The following ZNF366 variants were observed in gnomAD, a reference collection of about 807,000 sequenced individuals.
The protein encoded by ZNF366 is dendritic cell-specific transcript protein.
A neutral mutation model predicts 47.2 loss-of-function variants in ZNF366; 20 were observed. That is an observed-to-expected ratio of 0.42 (90% CI 0.30 to 0.62). The LOEUF (loss-of-function observed/expected upper bound fraction) is 0.62, where lower values mean the gene tolerates loss of function less well. ZNF366 is among the 20% of genes least tolerant of loss of function. ZNF366 has a pLI of 0.16. For synonymous variants in ZNF366, 421 were observed against 395.1 expected, an observed-to-expected ratio of 1.07 and a Z score of -0.78; for missense variants, 987 against 976.3, an observed-to-expected ratio of 1.01 and a Z score of -0.15.
intron 1 of ZNF366, among the ~76,000 whole-genome samples, chr5:72,466,860 C>T (rs1181439920): frequency 6.6e-6 from 1 of 152,228 alleles, no homozygotes; most frequent in Admixed American, 6.5e-5. Context: ...GGGCACTATT[C>T]TCTGAGCTAA....
chr5:72,448,009 G>C (rs982463913), intron 3 of ZNF366, among the ~76,000 whole-genome samples: 2 of 152,150 alleles, frequency 1.3e-5, no homozygotes, highest in Admixed American at 6.5e-5. Flanking sequence ...CATACTGTGC[G>C]TCTCCCAACA....
chr5:72,504,902 G>A (rs546605829), intron 1 of ZNF366, among the ~76,000 whole-genome samples: 61 of 152,310 alleles, frequency 4.0e-4, no homozygotes, highest in African/African-American at 1.4e-3. Context: ...ATTTAGAGCA[G>A]TTAAGTACCT....
chr5:72,497,843 C>A (rs542322007), intron 1 of ZNF366, among the ~76,000 whole-genome samples: 4 of 152,112 alleles, frequency 2.6e-5, no homozygotes, highest in Non-Finnish European at 5.9e-5. Flanking sequence ...TTTGCTGCTT[C>A]TTATTATGAA....
At chr5:72,466,514 T>C (rs1377493648) in intron 1 of ZNF366, among the ~76,000 whole-genome samples, 1 of 152,188 alleles carries the variant, frequency 6.6e-6, no homozygotes, top group Non-Finnish European at 1.5e-5. Flanking sequence ...GGGTCAACAC[T>C]AGCAAACCAG....
chr5:72,450,299 G>A (rs1426125266), intron 3 of ZNF366, among the ~76,000 whole-genome samples: 1 of 152,180 alleles, frequency 6.6e-6, no homozygotes, highest in Admixed American at 6.5e-5. Context: ...TGTAGACCTT[G>A]CAATTCACCT....
At chr5:72,483,364 G>A (rs1354908485) in intron 1 of ZNF366, among the ~76,000 whole-genome samples, 4 of 152,100 alleles carry the variant, frequency 2.6e-5, no homozygotes, top group African/African-American at 7.2e-5. Flanking sequence ...TTTAGATAAT[G>A]CCCAGGCAAC....
intron 1 of ZNF366, among the ~76,000 whole-genome samples, chr5:72,501,450 T>C (rs184228173): frequency 1.9e-4 from 29 of 152,342 alleles, no homozygotes; most frequent in Admixed American, 1.5e-3. Flanking sequence ...TCCCAACTTT[T>C]GTTACTAGGT....
intron 1 of ZNF366, among the ~76,000 whole-genome samples, chr5:72,489,303 CA>C (rs1321521847): frequency 1.1e-4 from 16 of 152,176 alleles, no homozygotes; most frequent in African/African-American, 3.9e-4. Context: ...TTTCAGATAA[CA>C]GTTACTCTGT....
At position 72,461,325 on chromosome 5, in the gene ZNF366, C is replaced by T. The variant is rs1199924671; in HGVS notation, c.172G>A (p.Glu58Lys). ...CCATCTAGGTCTCCTGGGGGAGGTT[C>T]ATACCGAAACTGGGAAAATGGCCCT... ...LRGPFSQFRY[E>K]PPPGDLDGFP... The change falls in exon 2 of 5, where the codon GAA becomes AAA. Residue 58 changes from glutamate to lysine, a missense_variant. By Grantham distance (56) the Glu-to-Lys change is moderately conservative (BLOSUM62 1). Coordinates refer to ENST00000318442, the MANE Select transcript of ZNF366 (RefSeq NM_152625.3). 1 of 1,614,078 alleles carries T rather than the reference C, an allele frequency of 6.2e-7. No homozygotes were observed. The highest frequency in any genetic ancestry group is 8.5e-7 in the Non-Finnish European group (1 of 1,180,022).
chr5:72,501,279 G>A (rs544769103), intron 1 of ZNF366, among the ~76,000 whole-genome samples: 75 of 152,236 alleles, frequency 4.9e-4, no homozygotes, highest in Middle Eastern at 3.4e-3. Flanking sequence ...TCTATCAAAG[G>A]AATATAGGAG....
At chr5:72,470,819 C>T (rs986286893) in intron 1 of ZNF366, among the ~76,000 whole-genome samples, 11 of 152,196 alleles carry the variant, frequency 7.2e-5, no homozygotes, top group African/African-American at 1.7e-4. Flanking sequence ...GTGCTTTAGC[C>T]ATGGCATAGC....
chr5:72,446,120 T>C (rs1039837363), intron 4 of ZNF366, among the ~76,000 whole-genome samples: 7 of 152,254 alleles, frequency 4.6e-5, no homozygotes, highest in Non-Finnish European at 8.8e-5. Context: ...CCTAGGGTAG[T>C]GAGCACTGGC....
chr5:72,483,988 T>C (rs1743838178), intron 1 of ZNF366, among the ~76,000 whole-genome samples: 1 of 152,170 alleles, frequency 6.6e-6, no homozygotes, highest in South Asian at 2.1e-4. Context: ...ATAATATCTG[T>C]CCTTATACTT....
intron 1 of ZNF366, among the ~76,000 whole-genome samples, chr5:72,486,368 T>G (rs1743892422): frequency 6.6e-6 from 1 of 152,186 alleles, no homozygotes; most frequent in African/African-American, 2.4e-5. Flanking sequence ...TGGAGGCTCC[T>G]TGCACTCAGA....
At chr5:72,454,103 T>A (rs1743132859) in intron 3 of ZNF366, among the ~76,000 whole-genome samples, 1 of 152,208 alleles carries the variant, frequency 6.6e-6, no homozygotes, top group Non-Finnish European at 1.5e-5. Context: ...TAAACCACTC[T>A]CTTATGGGTT....
In ZNF366 at chr5:72,443,736, G is replaced by A; in HGVS notation, c.*20C>T. ...ACTGCCTCCTTCTCATTTTCCAAATGTAATTTTAAAACTGTCCACTTAGAT... is the reference window on the plus strand; with the variant it reads ...ACTGCCTCCTTCTCATTTTCCAAATATAATTTTAAAACTGTCCACTTAGAT... On this transcript the variant is annotated 3_prime_UTR_variant, in exon 5 of 5. Transcript: ENST00000318442. 6.3e-7 allele frequency: 1 copy of A among 1,589,928 alleles called. No individual in the cohort carries two copies. The highest frequency in any genetic ancestry group is 8.6e-7 in the Non-Finnish European group (1 of 1,168,902).
At chr5:72,472,068 T>C (rs1743578090) in intron 1 of ZNF366, among the ~76,000 whole-genome samples, 1 of 152,200 alleles carries the variant, frequency 6.6e-6, no homozygotes, top group African/African-American at 2.4e-5. Flanking sequence ...ACTCAGACTG[T>C]GAGGAACTGC....
intron 2 of ZNF366, among the ~76,000 whole-genome samples, chr5:72,458,925 A>C (rs1348736455): frequency 6.6e-6 from 1 of 152,232 alleles, no homozygotes; most frequent in Non-Finnish European, 1.5e-5. Context: ...CATATGCTCT[A>C]AAATGCACTT....
intron 1 of ZNF366, among the ~76,000 whole-genome samples, chr5:72,468,844 G>A (rs970129410): frequency 5.9e-5 from 9 of 152,164 alleles, no homozygotes; most frequent in Admixed American, 4.6e-4. Flanking sequence ...TTGGAGATAT[G>A]ACTTAGCAGT....
Sources: allele counts gnomAD v4.1 joint callset (sites outside exome capture counted in the v4.1 genomes callset), GRCh38; gene constraint gnomAD v4.1.1; transcripts MANE v1.5; gene names NCBI Gene and HGNC (gene_info 2026-07-23, HGNC 2026-07-21).